AGBL4: variants seen among roughly 807,000 people sequenced by gnomAD.
AGBL4 encodes the protein AGBL carboxypeptidase 4.
A neutral mutation model predicts 66.4 loss-of-function variants in AGBL4; 58 were observed. That is an observed-to-expected ratio of 0.87 (90% CI 0.71 to 1.09). The LOEUF (loss-of-function observed/expected upper bound fraction) is 1.09, where lower values mean the gene tolerates loss of function less well. Among genes scored for constraint, AGBL4 ranks in the 50% least tolerant of loss-of-function variants. The pLI, the probability that AGBL4 is intolerant of heterozygous loss-of-function variation, is 0.00. For synonymous variants in AGBL4, 234 were observed against 222.9 expected, an observed-to-expected ratio of 1.05 and a Z score of -0.44; for missense variants, 579 against 631.0, an observed-to-expected ratio of 0.92 and a Z score of 0.88.
intron 6 of AGBL4, chr1:48,776,820 A>G: frequency 4.0e-6 from 6 of 1,515,570 alleles, no homozygotes; most frequent in Non-Finnish European, 5.3e-6. Flanking sequence ...GGAACCGCAC[A>G]AAGGCGTACA....
intron 3 of AGBL4, among the ~76,000 whole-genome samples, chr1:49,423,464 C>G (rs894723602): frequency 1.3e-5 from 2 of 152,000 alleles, no homozygotes; most frequent in Non-Finnish European, 2.9e-5. Flanking sequence ...ATGTGAGGAC[C>G]CAGAATTTCA....
At chr1:48,906,042 G>A (rs1246327709) in intron 5 of AGBL4, among the ~76,000 whole-genome samples, 1 of 152,136 alleles carries the variant, frequency 6.6e-6, no homozygotes, top group East Asian at 1.9e-4. Context: ...GGATTTTAAG[G>A]TAGTGCTAAG....
chr1:48,718,329 A>C (rs72904817), intron 6 of AGBL4, among the ~76,000 whole-genome samples: 1 of 152,230 alleles, frequency 6.6e-6, no homozygotes, highest in Non-Finnish European at 1.5e-5. Flanking sequence ...GCTGGGCTAC[A>C]CAGTGTTAAA....
intron 4 of AGBL4, chr1:49,187,566 A>T (rs1335383100): frequency 2.0e-5 from 3 of 152,158 alleles, no homozygotes; most frequent in Non-Finnish European, 4.4e-5. Context: ...GATTTTAAAT[A>T]AAAAAATTAT....
At chr1:48,693,913 G>A (rs753163652) in intron 6 of AGBL4, among the ~76,000 whole-genome samples, 1 of 152,006 alleles carries the variant, frequency 6.6e-6, no homozygotes, top group Non-Finnish European at 1.5e-5. Flanking sequence ...CGAGGATCTG[G>A]ATCTGGCTTC....
intron 3 of AGBL4, among the ~76,000 whole-genome samples, chr1:49,246,951 T>C (rs2148330624): frequency 6.6e-6 from 1 of 152,192 alleles, no homozygotes; most frequent in South Asian, 2.1e-4. Flanking sequence ...TAATTGTATA[T>C]ACTTTTTTAA....
chr1:49,849,393 TTTATTATTA>T (rs61688417), intron 2 of AGBL4, among the ~76,000 whole-genome samples: 253 of 130,072 alleles, frequency 1.9e-3, no homozygotes, highest in African/African-American at 5.4e-3. Flanking sequence ...ATTCATCTAA[TTTATTATTA>T]TTATTATTAT....
In AGBL4 at chr1:49,479,073, AAAGAG is replaced by A. The variant is rs562597063; in HGVS notation, c.282+218235_282+218239del. 1.1e-3 allele frequency among the ~76,000 whole-genome samples: 167 copies of A among 152,144 alleles called. 3 individuals carry two copies. In the Middle Eastern group the frequency reaches 0.017, roughly 16 times the overall value. The stretch of plus-strand genomic sequence containing the variant: ...GGAAGACATGCAAGAAAAAAGGAAA[AAAGAG>A]AAGACCTCAAAACAACCAGAAAAGA... On this transcript the variant is annotated intron_variant, in intron 3 of 13. Transcript: ENST00000371839.
rs191420325 is a variant in AGBL4, at chr1:48,685,027, G to T, written c.635-21786C>A. 1.7e-3 allele frequency among the ~76,000 whole-genome samples: 260 copies of T among 152,306 alleles called. 2 individuals are homozygous for T. The highest frequency in any genetic ancestry group is 7.8e-4 in the Non-Finnish European group (53 of 68,024). ...GGCAGGGCAGGTGAGTAAAGGACTG[G>T]AGCAGACACTCTGGAGATATAGGCT... On this transcript the variant is annotated intron_variant, in intron 6 of 13. Coordinates refer to ENST00000371839, the MANE Select transcript of AGBL4 (RefSeq NM_032785.4).
Position 49,137,808 on chromosome 1 carries a change from A to T in AGBL4, c.378-92008T>A, listed in dbSNP as rs536498531. On this transcript the variant is annotated intron_variant, in intron 4 of 13. Transcript: ENST00000371839. ...GAGGTCATCCAACATCTTCTCAGACATTTAAATCAAGACCTACAAAACCAT... is the reference window on the plus strand; with the variant it reads ...GAGGTCATCCAACATCTTCTCAGACTTTTAAATCAAGACCTACAAAACCAT... Among the ~76,000 whole-genome samples, 4 of 152,254 alleles carry T rather than the reference A, an allele frequency of 2.6e-5. No homozygotes were observed. The East Asian group carries it at 5.8e-4, about 22-fold the overall frequency.
At chr1:48,681,972 T>C (rs1028484265) in intron 6 of AGBL4, among the ~76,000 whole-genome samples, 1 of 152,104 alleles carries the variant, frequency 6.6e-6, no homozygotes, top group Admixed American at 6.5e-5. Context: ...TTTAAAGAGG[T>C]AGCAAGGTAA....
the AGBL4 span, among the ~76,000 whole-genome samples, chr1:48,525,600 T>A: frequency 6.6e-6 from 1 of 152,210 alleles, no homozygotes; most frequent in Non-Finnish European, 1.5e-5. Flanking sequence ...CTGAGGATTA[T>A]GTCAGTTGAA....
intron 9 of AGBL4, among the ~76,000 whole-genome samples, chr1:48,616,195 G>A (rs1645315150): frequency 6.6e-6 from 1 of 152,146 alleles, no homozygotes. Context: ...CAGATTCTCA[G>A]AACCTCACTC....
intron 5 of AGBL4, among the ~76,000 whole-genome samples, chr1:48,987,058 T>C (rs1421770448): frequency 6.6e-5 from 10 of 151,598 alleles, no homozygotes; most frequent in Admixed American, 5.3e-4. Flanking sequence ...AATGAAACCG[T>C]AAACATATTC....
chr1:48,664,449 G>A (rs1017134131), intron 6 of AGBL4, among the ~76,000 whole-genome samples: 2 of 152,156 alleles, frequency 1.3e-5, no homozygotes, highest in African/African-American at 4.8e-5. Flanking sequence ...ATGTCTTAGT[G>A]GTAGGGAAAA....
chr1:49,048,048 G>A (rs1644123141), intron 4 of AGBL4, among the ~76,000 whole-genome samples: 1 of 152,020 alleles, frequency 6.6e-6, no homozygotes, highest in Admixed American at 6.6e-5. Context: ...CAGGGTTCCC[G>A]ATTTGTATTT....
At chr1:48,578,205 C>T (rs6665839) in intron 11 of AGBL4, among the ~76,000 whole-genome samples, 34,260 of 152,032 alleles carry the variant, frequency 0.23, 4,496 homozygotes, top group African/African-American at 0.36. Flanking sequence ...CAAACCTACA[C>T]CACAAGTTAC....
At chr1:49,523,095 G>T (rs1033981763) in intron 3 of AGBL4, among the ~76,000 whole-genome samples, 5 of 151,866 alleles carry the variant, frequency 3.3e-5, no homozygotes, top group African/African-American at 1.2e-4. Context: ...GGAGTTCTTG[G>T]GCTGTTTTCT....
chr1:49,212,942 T>C (rs1022002939), intron 4 of AGBL4, among the ~76,000 whole-genome samples: 5 of 152,154 alleles, frequency 3.3e-5, no homozygotes, highest in African/African-American at 1.2e-4. Context: ...AGCAAAAGCA[T>C]TTATTTTTAT....
Sources: allele counts gnomAD v4.1 joint callset (sites outside exome capture counted in the v4.1 genomes callset), GRCh38; gene constraint gnomAD v4.1.1; transcripts MANE v1.5; gene names NCBI Gene and HGNC (gene_info 2026-07-23, HGNC 2026-07-21).